EIF2D: variants seen among roughly 807,000 people sequenced by gnomAD.
EIF2D encodes the protein eukaryotic translation initiation factor 2D, also known as hepatocellular carcinoma-associated antigen 56.
In EIF2D, 56 loss-of-function variants were observed where a neutral mutation model predicts 77.4. That is an observed-to-expected ratio of 0.72 (90% CI 0.58 to 0.90). The LOEUF (loss-of-function observed/expected upper bound fraction) is 0.90, where lower values mean the gene tolerates loss of function less well. Ranked by LOEUF, EIF2D falls within the 40% of genes least tolerant of loss-of-function variation. The pLI is 0.00. For synonymous variants in EIF2D, 230 were observed against 271.0 expected (o/e 0.85, Z 1.49); for missense variants, 574 against 706.5 (o/e 0.81, Z 2.13).
rs376096611 is a variant in EIF2D, at chr1:206,575,034, GTT to G, written c.*255-2337_*255-2336del. The stretch of plus-strand genomic sequence containing the variant: ...GGATAATTTTTTTGTTTTTGTTTTT[GTT>G]TTTTTTTTTAGAAGAGACAGGGTTT... On this transcript the variant is annotated intron_variant and NMD_transcript_variant, in intron 4 of 5. Coordinates refer to the EIF2D transcript ENST00000472709. Among the ~76,000 whole-genome samples the G allele has an allele frequency of 6.5e-5, 7 of 107,686 alleles. No individual in the cohort carries two copies. In the East Asian group the frequency reaches 1.9e-3, roughly 30 times the overall value. The allele number at this position is 107,686 out of a possible 152,430, so 70.6% of individuals were successfully genotyped here.
rs1286132270 is a variant in EIF2D, at chr1:206,585,018, GT to G, written c.139-3857del. 2.0e-5 allele frequency: 13 copies of G among 650,814 alleles called. No homozygotes were observed. The East Asian group carries it at 3.1e-4, about 15-fold the overall frequency. The allele number at this position is 650,814 out of a possible 1,614,324, so 40.3% of individuals were successfully genotyped here. ...TCTGAGCAGACACCCAAGATAAAAG[GT>G]TATTGCCCTGTTCATTACTGTCATG... On this transcript the variant is annotated intron_variant and NMD_transcript_variant, in intron 2 of 5. Coordinates refer to the EIF2D transcript ENST00000472709.
In EIF2D at chr1:206,605,493, A is replaced by G. The variant is rs782217164; in HGVS notation, c.437T>C (p.Ile146Thr). The G allele has an allele frequency of 2.5e-6, 4 of 1,613,938 alleles. No individual in the cohort carries two copies. The highest frequency in any genetic ancestry group is 2.2e-5 in the South Asian group (2 of 91,058). The change falls in exon 5 of 15, where the codon ATT becomes ACT. Residue 146 changes from isoleucine (I) to threonine (T), a missense_variant. Transcript: ENST00000271764. ...SLVGNRAPVA[I>T]GVAAMSTAEM... ...AGCTGTGGACATGGCTGCAACTCCAATGGCTACAGGGGCTCTAAGAAGAAG... is the reference window on the plus strand; with the variant it reads ...AGCTGTGGACATGGCTGCAACTCCAGTGGCTACAGGGGCTCTAAGAAGAAG...
At chr1:206,589,316 G>A (rs574114990), downstream of EIF2D, 4 of 152,858 alleles carry the variant, frequency 2.6e-5, no homozygotes, top group African/African-American at 9.6e-5. Flanking sequence ...ACCATCTTAC[G>A]GACACTGGGA....
intron 11 of EIF2D, among the ~76,000 whole-genome samples, chr1:206,598,653 A>G (rs1669767404): frequency 6.6e-6 from 1 of 152,206 alleles, no homozygotes; most frequent in South Asian, 2.1e-4. Context: ...CCCCATAAAT[A>G]TGTACAAATA....
intron 2 of EIF2D, chr1:206,585,371 C>A: frequency 9.5e-7 from 1 of 1,056,462 alleles, no homozygotes; most frequent in Non-Finnish European, 1.5e-6. Flanking sequence ...GTCCTAACTA[C>A]CTCACATAGG....
downstream of EIF2D, among the ~76,000 whole-genome samples, chr1:206,570,449 G>A (rs1553404034): frequency 6.6e-6 from 1 of 151,986 alleles, no homozygotes; most frequent in African/African-American, 2.4e-5. Context: ...ACCTCACATT[G>A]TTGTACAACC....
At chr1:206,611,628 A>C (rs1670501807) in intron 1 of EIF2D, among the ~76,000 whole-genome samples, 1 of 152,210 alleles carries the variant, frequency 6.6e-6, no homozygotes, top group South Asian at 2.1e-4. Context: ...TGAACAATCC[A>C]AGTTAGCCTG....
chr1:206,591,037 T>C (rs1359011776), downstream of EIF2D, among the ~76,000 whole-genome samples: 2 of 152,186 alleles, frequency 1.3e-5, no homozygotes, highest in African/African-American at 4.8e-5. Context: ...CTGTGCACCA[T>C]TTCAGGGAGT....
In EIF2D at chr1:206,592,067, C is replaced by T. The variant is rs928613701; in HGVS notation, c.1685-222G>A. On this transcript the variant is annotated intron_variant, in intron 14 of 14. Coordinates refer to ENST00000271764, the MANE Select transcript of EIF2D (RefSeq NM_006893.3). The surrounding 1 kb of genome is among the most constrained non-coding windows in gnomAD (Gnocchi z 4.7). ...ATTTCAGGCATTTATAATTTTTTCA[C>T]GAGAGAGAATGTGTCTGTTCAGTCT... 1.2e-4 allele frequency among the ~76,000 whole-genome samples: 18 copies of T among 152,180 alleles called. No homozygotes were observed. The highest frequency in any genetic ancestry group is 3.6e-4 in the African/African-American group (15 of 41,428).
chr1:206,586,551 A>C lies in EIF2D; in HGVS notation c.139-5389T>G, dbSNP rs1307477028. ...CATCACTGTCAAGATCTCGGCTGCTACACAGAAACTTAAGATTATTGAGTT... is the reference window on the plus strand; with the variant it reads ...CATCACTGTCAAGATCTCGGCTGCTCCACAGAAACTTAAGATTATTGAGTT... On this transcript the variant is annotated intron_variant and NMD_transcript_variant, in intron 2 of 5. Transcript: ENST00000472709. The C allele has an allele frequency of 1.7e-5, 5 of 301,942 alleles. No individual in the cohort carries two copies. In the East Asian group the frequency reaches 4.0e-4, roughly 24 times the overall value. 18.7% of individuals were successfully genotyped at this position (301,942 alleles called of 1,614,324 possible). A position where few individuals can be genotyped will look rare whatever the true frequency, so the allele number is the denominator to read the frequency against.
chr1:206,590,210 G>C (rs145262859), downstream of EIF2D, among the ~76,000 whole-genome samples: 130 of 152,220 alleles, frequency 8.5e-4, no homozygotes, highest in African/African-American at 3.0e-3. Context: ...ACCGTTACTG[G>C]AAAAACCACT....
At chr1:206,578,027 A>G (rs1553405484) in intron 4 of EIF2D, among the ~76,000 whole-genome samples, 1 of 152,044 alleles carries the variant, frequency 6.6e-6, no homozygotes, top group East Asian at 1.9e-4. Context: ...GTTTGAGACC[A>G]GCCTGGGCAA....
At chr1:206,585,010 G>A (rs1669052663) in intron 2 of EIF2D, 4 of 637,402 alleles carry the variant, frequency 6.3e-6, no homozygotes, top group Non-Finnish European at 2.8e-6. Flanking sequence ...AGACACCCAA[G>A]ATAAAAGGTT....
chr1:206,598,953 A>T (rs1553410698), intron 11 of EIF2D, 50 bp downstream of exon 11: 2 of 1,565,636 alleles, frequency 1.3e-6, no homozygotes, highest in Admixed American at 1.7e-5. Flanking sequence ...TCTATGTCTG[A>T]TAAAGACAAA....
At chr1:206,590,948 A>T (rs2102270148), downstream of EIF2D, among the ~76,000 whole-genome samples, 1 of 152,326 alleles carries the variant, frequency 6.6e-6, no homozygotes, top group Admixed American at 6.5e-5. Flanking sequence ...GTGGTTCTGC[A>T]CTTTTCTGGC....
downstream of EIF2D, chr1:206,571,213 G>A (rs1553404148): frequency 6.6e-6 from 1 of 150,976 alleles, no homozygotes; most frequent in Non-Finnish European, 1.5e-5. Flanking sequence ...TTTTTCATGT[G>A]TTTGTAGATC....
At chr1:206,585,553 T>G (rs539731958) in intron 2 of EIF2D, 2 of 311,782 alleles carry the variant, frequency 6.4e-6, no homozygotes, top group East Asian at 5.5e-5. Context: ...GCTTTATTTC[T>G]GAAAACTCAG....
At chr1:206,610,447 A>T (rs1417616473) in intron 2 of EIF2D, among the ~76,000 whole-genome samples, 1 of 152,136 alleles carries the variant, frequency 6.6e-6, no homozygotes, top group African/African-American at 2.4e-5. Context: ...TAAGCACAGG[A>T]GGTTGAGGTT....
Position 206,584,707 on chromosome 1 carries a change from C to G in EIF2D, c.139-3545G>C. On this transcript the variant is annotated intron_variant and NMD_transcript_variant, in intron 2 of 5. Coordinates refer to the EIF2D transcript ENST00000472709. The surrounding 1 kb of genome is among the most constrained non-coding windows in gnomAD (Gnocchi z 4.9). Reference sequence around the variant, plus strand: ...AAGGTAGGAGAAAGAGTGAACCCAACCAGACCGTTCCCTTCCTACCTGTGT... The same window carrying G: ...AAGGTAGGAGAAAGAGTGAACCCAAGCAGACCGTTCCCTTCCTACCTGTGT... 6.2e-7 allele frequency: 1 copy of G among 1,613,440 alleles called. No individual in the cohort carries two copies. Among genetic ancestry groups the G allele is most frequent in the Non-Finnish European group, 8.5e-7 (1 of 1,179,532 alleles).
Sources: allele counts gnomAD v4.1 joint callset (sites outside exome capture counted in the v4.1 genomes callset), GRCh38; gene constraint gnomAD v4.1.1; non-coding constraint Gnocchi (gnomAD v3.1); transcripts MANE v1.5; gene names NCBI Gene and HGNC (gene_info 2026-07-23, HGNC 2026-07-21).